Variants in PCDHGB2 observed in about 807,000 individuals in gnomAD.
The protein encoded by PCDHGB2 is protocadherin gamma subfamily B, 2, also known as protocadherin gamma-B2.
Under a neutral mutation model 59.3 loss-of-function variants are expected in PCDHGB2, and 55 were observed. The ratio of observed to expected loss-of-function variants is 0.93; its 90% CI spans 0.75 to 1.16. PCDHGB2 has a LOEUF of 1.16. Among genes scored for constraint, PCDHGB2 ranks in the 50% most tolerant of loss-of-function variants. The pLI, the probability that PCDHGB2 is intolerant of heterozygous loss-of-function variation, is 0.00. For synonymous variants in PCDHGB2, 516 were observed against 512.0 expected (o/e 1.01, Z -0.11); for missense variants, 1,228 against 1,198.5 (o/e 1.02, Z -0.36).
At chr5:141,423,228 C>G (rs1321708353) in intron 1 of PCDHGB2, 5 of 1,613,866 alleles carry the variant, frequency 3.1e-6, no homozygotes, top group Non-Finnish European at 2.5e-6. Context: ...CTGTGGCCGA[C>G]AGCATCCCCG....
chr5:141,365,714 A>G (rs1764072437), intron 1 of PCDHGB2: 1 of 1,613,646 alleles, frequency 6.2e-7, no homozygotes, highest in Non-Finnish European at 8.5e-7. Flanking sequence ...CACCTCTGTC[A>G]CAGAAAACAA....
chr5:141,364,239 T>G (rs1763233017), intron 1 of PCDHGB2: 2 of 1,440,110 alleles, frequency 1.4e-6, no homozygotes, highest in African/African-American at 2.9e-5. Context: ...CACGCCCATT[T>G]TCGTCAGGGA....
chr5:141,372,366 G>A lies in PCDHGB2; in HGVS notation c.2421+9810G>A, dbSNP rs867619570. ...AGGACAGCAGCCTCTTTCAGCCACC[G>A]TCATGCTGCACCTAATCTTCGCAGA... On this transcript the variant is annotated intron_variant, in intron 1 of 3. Coordinates refer to ENST00000522605, the MANE Select transcript of PCDHGB2 (RefSeq NM_018923.3). The A allele has an allele frequency of 3.7e-6, 6 of 1,613,832 alleles. No homozygotes were observed. In the African/African-American group the frequency reaches 6.7e-5, roughly 18 times the overall value.
chr5:141,479,767 C>G (rs2099505975), intron 1 of PCDHGB2: 1 of 152,174 alleles, frequency 6.6e-6, no homozygotes, highest in African/African-American at 2.4e-5. Flanking sequence ...AAATTCATAT[C>G]CTTAGACAGG....
In PCDHGB2 at chr5:141,489,993, C is replaced by A; in HGVS notation, c.2422-4814C>A. 6.2e-7 allele frequency: 1 copy of A among 1,614,186 alleles called. No individual in the cohort carries two copies. The highest frequency in any genetic ancestry group is 1.1e-5 in the South Asian group (1 of 91,088). On this transcript the variant is annotated intron_variant, in intron 1 of 3. Transcript: ENST00000522605. The surrounding 1 kb of genome is among the most constrained non-coding windows in gnomAD (Gnocchi z 4.5). ...AATCCTCAGTTCTACGTGTGGGAATCCCAGAGAATGCACCCATTGGTACTC... is the reference window on the plus strand; with the variant it reads ...AATCCTCAGTTCTACGTGTGGGAATACCAGAGAATGCACCCATTGGTACTC...
At chr5:141,404,692 C>G (rs543452623) in intron 1 of PCDHGB2, 2 of 1,614,080 alleles carry the variant, frequency 1.2e-6, no homozygotes, top group South Asian at 2.2e-5. Context: ...TGGCACCCCG[C>G]TCTGCAGAGC....
intron 1 of PCDHGB2, chr5:141,371,027 C>A: frequency 6.2e-7 from 1 of 1,613,992 alleles, no homozygotes; most frequent in South Asian, 1.1e-5. Context: ...ACCACCTGGT[C>A]CTCACAGCTG....
At chr5:141,459,237 C>T (rs1004453705) in intron 1 of PCDHGB2, among the ~76,000 whole-genome samples, 1 of 152,214 alleles carries the variant, frequency 6.6e-6, no homozygotes, top group Admixed American at 6.5e-5. Flanking sequence ...AACTGGTCTG[C>T]TTCCTGTCAC....
chr5:141,419,967 TTCTC>T (rs1324855239), intron 1 of PCDHGB2: 2 of 1,614,086 alleles, frequency 1.2e-6, no homozygotes, highest in Admixed American at 3.3e-5. Context: ...TCTGTGCTCT[TTCTC>T]CTCGCGGTGA....
intron 1 of PCDHGB2, among the ~76,000 whole-genome samples, chr5:141,436,809 A>T (rs2097847373): frequency 6.6e-6 from 1 of 152,242 alleles, no homozygotes; most frequent in Non-Finnish European, 1.5e-5. Context: ...TTTTTGTGAC[A>T]GCTGGTTTAA....
chr5:141,420,840 T>A (rs2096528017), intron 1 of PCDHGB2, among the ~76,000 whole-genome samples: 1 of 152,250 alleles, frequency 6.6e-6, no homozygotes, highest in African/African-American at 2.4e-5. Flanking sequence ...TCGCAGGTGT[T>A]CTTGGTAAAG....
At chr5:141,509,692 C>T (rs755446680) in intron 3 of PCDHGB2, among the ~76,000 whole-genome samples, 8 of 152,126 alleles carry the variant, frequency 5.3e-5, no homozygotes, top group Non-Finnish European at 1.0e-4. Context: ...TACAGTGGGA[C>T]GTTGGACTGG....
rs185995562 is a variant in PCDHGB2 at position 141,410,475 on chromosome 5, A to T, written c.2421+47919A>T. 63 of 1,614,052 alleles carry T rather than the reference A, an allele frequency of 3.9e-5. No individual in the cohort carries two copies. The highest frequency in any genetic ancestry group is 3.3e-4 in the Middle Eastern group (2 of 6,062). ...TATTCTTATAATCTGTGCATTGCAC[A>T]TACGGGTACAAAAGAGTTTAATTTC... On this transcript the variant is annotated intron_variant, in intron 1 of 3. Transcript: ENST00000522605.
At chr5:141,455,837 AT>A (rs2098833014) in intron 1 of PCDHGB2, among the ~76,000 whole-genome samples, 2 of 151,422 alleles carry the variant, frequency 1.3e-5, no homozygotes, top group African/African-American at 4.8e-5. Context: ...TTTCCTGTCT[AT>A]CTGCATAAAA....
chr5:141,410,847 G>GTAT, intron 1 of PCDHGB2: 2 of 158,246 alleles, frequency 1.3e-5, no homozygotes, highest in Non-Finnish European at 1.0e-5. Context: ...TTTTGTCTTT[G>GTAT]TCTTTTTTTT....
At chr5:141,385,281 C>T (rs761366864) in intron 1 of PCDHGB2, 6 of 1,613,348 alleles carry the variant, frequency 3.7e-6, no homozygotes, top group East Asian at 2.2e-5. Flanking sequence ...TGCTAACATC[C>T]GTAGATTTTC....
Position 141,361,581 on chromosome 5 carries a change from C to A in PCDHGB2, c.1446C>A (p.Gly482=), listed in dbSNP as rs1306719531. 1.2e-6 allele frequency: 2 copies of A among 1,614,056 alleles called. No homozygotes were observed. Among genetic ancestry groups the A allele is most frequent in the Admixed American group, 1.7e-5 (1 of 60,038 alleles). The change falls in exon 1 of 4, where the codon GGC becomes GGA. Residue 482 remains glycine (G), a synonymous_variant. Coordinates refer to ENST00000522605, the MANE Select transcript of PCDHGB2 (RefSeq NM_018923.3). The stretch of plus-strand genomic sequence containing the variant: ...TCAGTGCCTCTGACCCTGACTTGGG[C>A]CCCAGTGGCCAAGTTTCCTACTCCA... ...AQISASDPDL[G]PSGQVSYSIV... is the part of the protein sequence containing the mutation.
In PCDHGB2 at chr5:141,415,739, GGTTTTT is replaced by G; in HGVS notation, c.2421+53184_2421+53189del. On this transcript the variant is annotated intron_variant, in intron 1 of 3. Coordinates refer to ENST00000522605, the MANE Select transcript of PCDHGB2 (RefSeq NM_018923.3). ...ATGAGTAGAATTTGATGTTTATTAA[GGTTTTT>G]TTTTTTTTTTTTTTTTTTTTTTTTT... is the stretch of plus-strand genomic sequence containing the variant. 1.4e-4 allele frequency: 59 copies of G among 434,890 alleles called. 1 individual carries two copies. The African/African-American group carries it at 1.6e-3, about 12-fold the overall frequency. The allele number at this position is 434,890 out of a possible 1,614,324, so 26.9% of individuals were successfully genotyped here.
chr5:141,421,842 A>G (rs1209505923), intron 1 of PCDHGB2: 1 of 1,613,744 alleles, frequency 6.2e-7, no homozygotes, highest in Non-Finnish European at 8.5e-7. Context: ...ACCGAGAGAA[A>G]GAGGCTGCTC....
Sources: gnomAD v4.1 joint callset for allele counts (sites outside exome capture counted in the v4.1 genomes callset) on GRCh38, gnomAD v4.1.1 for gene constraint, Gnocchi (gnomAD v3.1) non-coding constraint, MANE v1.5 for transcripts, NCBI Gene and HGNC (gene_info 2026-07-23, HGNC 2026-07-21) for gene names.